Variants in EPS15 observed in about 807,000 individuals in gnomAD.
The protein encoded by EPS15 is epidermal growth factor receptor pathway substrate 15.
Under a neutral mutation model 113.8 loss-of-function variants are expected in EPS15, and 72 were observed. The observed-to-expected ratio is 0.63, with a 90% CI of 0.52 to 0.77. The LOEUF (loss-of-function observed/expected upper bound fraction) is 0.77. Ranked by LOEUF, EPS15 falls within the 30% of genes least tolerant of loss-of-function variation. The pLI is 0.00. For synonymous variants in EPS15, 344 were observed against 363.4 expected, an observed-to-expected ratio of 0.95 and a Z score of 0.61; for missense variants, 1,048 against 1,045.8, an observed-to-expected ratio of 1.00 and a Z score of -0.03.
rs183838419 is a variant in EPS15 at position 51,394,387 on chromosome 1, C to T, written c.2113G>A (p.Asp705Asn). 767 of 1,592,486 alleles carry T rather than the reference C, an allele frequency of 4.8e-4. 11 individuals are homozygous for T. In the East Asian group the frequency reaches 0.012, roughly 24 times the overall value. The change falls in exon 21 of 25, where the codon GAT becomes AAT. Residue 705 changes from aspartate to asparagine, a missense_variant. Transcript: ENST00000371733. ...APGGTVVAAS[D>N]SATDPFASVF... ...TGATAAATTATTTATTTACCTGAAT[C>T]GCTTGCTGCAACAACTGTTCCACCA...
chr1:51,372,405 C>G, intron 21 of EPS15: 2 of 535,584 alleles, frequency 3.7e-6, no homozygotes, highest in South Asian at 2.8e-5. Context: ...GACAAAAGTA[C>G]TTGATGTATC....
intron 15 of EPS15, among the ~76,000 whole-genome samples, chr1:51,407,039 G>A (rs1035130994): frequency 1.3e-5 from 2 of 152,154 alleles, no homozygotes; most frequent in African/African-American, 4.8e-5. Context: ...TAATAACTGA[G>A]CACACTGGAC....
At chr1:51,384,221 A>G (rs1647004537) in intron 21 of EPS15, among the ~76,000 whole-genome samples, 1 of 152,130 alleles carries the variant, frequency 6.6e-6, no homozygotes, top group Non-Finnish European at 1.5e-5. Flanking sequence ...GCAGAAATAG[A>G]AAAATTCATC....
chr1:51,496,473 AATAG>A (rs1325251602), intron 1 of EPS15, among the ~76,000 whole-genome samples: 5 of 152,214 alleles, frequency 3.3e-5, no homozygotes, highest in African/African-American at 9.6e-5. Context: ...TACCAAAATG[AATAG>A]ATAATTTAAA....
chr1:51,514,276 A>G (rs777757006), intron 1 of EPS15, among the ~76,000 whole-genome samples: 1 of 152,180 alleles, frequency 6.6e-6, no homozygotes, highest in Non-Finnish European at 1.5e-5. Flanking sequence ...CTCTGCCTGG[A>G]GTAACTTTTC....
chr1:51,380,756 G>GA (rs1186324161), intron 21 of EPS15, among the ~76,000 whole-genome samples: 1 of 151,528 alleles, frequency 6.6e-6, no homozygotes, highest in Non-Finnish European at 1.5e-5. Flanking sequence ...CAAACTGGTA[G>GA]AAAAAAAATG....
intron 1 of EPS15, among the ~76,000 whole-genome samples, chr1:51,513,163 T>A (rs1341205509): frequency 6.6e-6 from 1 of 152,130 alleles, no homozygotes; most frequent in Non-Finnish European, 1.5e-5. Context: ...ATTAAAAGTA[T>A]CCTCTGGCCC....
chr1:51,509,971 C>A (rs1341884257), intron 1 of EPS15, among the ~76,000 whole-genome samples: 2 of 152,188 alleles, frequency 1.3e-5, no homozygotes, highest in Non-Finnish European at 2.9e-5. Flanking sequence ...TCTGGCTCTA[C>A]CACTTAGCAG....
At chr1:51,456,025 A>G (rs568488784) in intron 8 of EPS15, among the ~76,000 whole-genome samples, 18 of 152,256 alleles carry the variant, frequency 1.2e-4, no homozygotes, top group African/African-American at 4.3e-4. Context: ...GAGAATATGA[A>G]CAAGCATTTA....
intron 2 of EPS15, among the ~76,000 whole-genome samples, chr1:51,477,914 A>G (rs1643941617): frequency 6.6e-6 from 1 of 152,188 alleles, no homozygotes; most frequent in Non-Finnish European, 1.5e-5. Flanking sequence ...GTGGTGCTGA[A>G]AATAATGTAT....
intron 8 of EPS15, among the ~76,000 whole-genome samples, chr1:51,453,948 G>T (rs1303359295): frequency 6.6e-6 from 1 of 151,396 alleles, no homozygotes; most frequent in Non-Finnish European, 1.5e-5. Context: ...TACTCTGGAG[G>T]CTGAGGCAGG....
chr1:51,508,326 G>C (rs796295040), intron 1 of EPS15, among the ~76,000 whole-genome samples: 1 of 94,766 alleles, frequency 1.1e-5, no homozygotes, highest in South Asian at 3.2e-4. Context: ...GAGAAAGAGA[G>C]AAAGAGAAAG....
chr1:51,373,564 T>C (rs1170476849), intron 21 of EPS15, among the ~76,000 whole-genome samples: 3 of 152,246 alleles, frequency 2.0e-5, no homozygotes, highest in African/African-American at 4.8e-5. Context: ...GGCTGCTAAA[T>C]GGAATGCACG....
intron 12 of EPS15, among the ~76,000 whole-genome samples, chr1:51,429,001 C>T (rs1651471251): frequency 6.6e-6 from 1 of 152,074 alleles, no homozygotes; most frequent in South Asian, 2.1e-4. Flanking sequence ...AGGCAGTCCT[C>T]CCGCCTCAGC....
At chr1:51,411,659 T>C (rs1202648778) in intron 13 of EPS15, among the ~76,000 whole-genome samples, 1 of 152,186 alleles carries the variant, frequency 6.6e-6, no homozygotes, top group African/African-American at 2.4e-5. Flanking sequence ...TTGCTTTGCC[T>C]AGGTTTCTTA....
intron 12 of EPS15, among the ~76,000 whole-genome samples, chr1:51,429,748 T>C (rs1651548755): frequency 6.6e-6 from 1 of 151,912 alleles, no homozygotes; most frequent in African/African-American, 2.4e-5. Context: ...CCTCCCGCAT[T>C]CAAGTGATTC....
chr1:51,375,058 G>A (rs1221919922), intron 21 of EPS15, among the ~76,000 whole-genome samples: 1 of 137,084 alleles, frequency 7.3e-6, no homozygotes, highest in African/African-American at 2.8e-5. Flanking sequence ...CTGGAGTGCA[G>A]TGGTGCGATC....
At chr1:51,372,576 T>C (rs534089414) in intron 21 of EPS15, 38 of 523,802 alleles carry the variant, frequency 7.3e-5, no homozygotes, top group Admixed American at 6.6e-4. Flanking sequence ...AAGAGTAACA[T>C]TGCCATCAAT....
chr1:51,464,784 A>G (rs1207091962), intron 6 of EPS15, among the ~76,000 whole-genome samples: 7 of 152,230 alleles, frequency 4.6e-5, no homozygotes, highest in Admixed American at 4.6e-4. Context: ...AAAACTGTAC[A>G]CATTTATCAA....
Sources: allele counts gnomAD v4.1 joint callset (sites outside exome capture counted in the v4.1 genomes callset), GRCh38; gene constraint gnomAD v4.1.1; transcripts MANE v1.5; gene names NCBI Gene and HGNC (gene_info 2026-07-23, HGNC 2026-07-21).